Variants in BABAM2 observed in about 807,000 individuals in gnomAD.
The protein encoded by BABAM2 is BRISC and BRCA1 A complex member 2.
In BABAM2, 31 loss-of-function variants were observed where a neutral mutation model predicts 54.7. The observed-to-expected ratio is 0.57, with a 90% CI of 0.43 to 0.77. BABAM2 has a LOEUF of 0.77. Ranked by LOEUF, BABAM2 falls within the 30% of genes least tolerant of loss-of-function variation. The probability of loss-of-function intolerance (pLI) is 0.00; values close to 1 mark genes in which losing one functional copy is unlikely to be tolerated. For synonymous variants in BABAM2, 167 were observed against 162.9 expected (o/e 1.03, Z -0.19); for missense variants, 364 against 455.8 (o/e 0.80, Z 1.83).
At chr2:28,277,732 T>C (rs1279115601) in intron 10 of BABAM2, among the ~76,000 whole-genome samples, 4 of 152,174 alleles carry the variant, frequency 2.6e-5, no homozygotes, top group Admixed American at 2.6e-4. Context: ...TCTGGTCCTA[T>C]TGTTAAGGAG....
chr2:28,033,561 T>TC (rs1395146351), intron 5 of BABAM2, among the ~76,000 whole-genome samples: 2 of 151,970 alleles, frequency 1.3e-5, no homozygotes, highest in African/African-American at 4.8e-5. Flanking sequence ...AGCCGCCAGT[T>TC]CCCCTCTTAT....
At chr2:27,971,774 A>G (rs1671240203) in intron 3 of BABAM2, among the ~76,000 whole-genome samples, 1 of 151,954 alleles carries the variant, frequency 6.6e-6, no homozygotes, top group Non-Finnish European at 1.5e-5. Context: ...ATTCTGAACT[A>G]CTTTTTAAAA....
At chr2:27,973,909 T>C (rs1671403066) in intron 3 of BABAM2, among the ~76,000 whole-genome samples, 1 of 152,218 alleles carries the variant, frequency 6.6e-6, no homozygotes, top group Non-Finnish European at 1.5e-5. Context: ...GCTTTCACTC[T>C]GAACCTAACT....
chr2:28,320,886 G>C (rs992851694), intron 11 of BABAM2, among the ~76,000 whole-genome samples: 7 of 152,160 alleles, frequency 4.6e-5, no homozygotes, highest in African/African-American at 1.7e-4. Context: ...TAGAGTAATG[G>C]GATCGATTTC....
At chr2:28,118,336 A>C (rs1223409767) in intron 6 of BABAM2, among the ~76,000 whole-genome samples, 1 of 152,218 alleles carries the variant, frequency 6.6e-6, no homozygotes, top group Non-Finnish European at 1.5e-5. Context: ...CATTCCCATC[A>C]ACAGTGTAAA....
intron 10 of BABAM2, among the ~76,000 whole-genome samples, chr2:28,276,325 T>C (rs1052933730): frequency 2.6e-5 from 4 of 152,162 alleles, no homozygotes; most frequent in Non-Finnish European, 4.4e-5. Flanking sequence ...TCCACTTTAG[T>C]CTGCAGACAC....
chr2:28,088,069 A>G (rs2148685588), intron 6 of BABAM2, among the ~76,000 whole-genome samples: 1 of 152,358 alleles, frequency 6.6e-6, no homozygotes, highest in Admixed American at 6.5e-5. Context: ...CAGAATTTGT[A>G]CCATAAATCT....
At chr2:28,044,313 T>A (rs1677379135) in intron 5 of BABAM2, among the ~76,000 whole-genome samples, 1 of 152,318 alleles carries the variant, frequency 6.6e-6, no homozygotes, top group East Asian at 1.9e-4. Context: ...CACTGCAAAC[T>A]CTGCCTCCCA....
At position 28,153,868 on chromosome 2, in the gene BABAM2, C is replaced by T. The variant is rs953578945; in HGVS notation, c.680+24488C>T. On this transcript the variant is annotated intron_variant, in intron 7 of 11. Transcript: ENST00000379624. The stretch of plus-strand genomic sequence containing the variant: ...TACCTAATTTTCTCCGGGACATGCA[C>T]GATTGAGTTTTTGGTTTTTCTGTGG... Among the ~76,000 whole-genome samples the T allele has an allele frequency of 3.3e-5, 5 of 152,262 alleles. No homozygotes were observed. The South Asian group carries it at 6.2e-4, about 19-fold the overall frequency.
At chr2:28,118,015 A>G (rs1003239664) in intron 6 of BABAM2, among the ~76,000 whole-genome samples, 4 of 152,250 alleles carry the variant, frequency 2.6e-5, no homozygotes, top group African/African-American at 4.8e-5. Flanking sequence ...GTGCTTAAAT[A>G]AAAACTCACT....
chr2:28,112,657 G>A (rs1668238063), intron 6 of BABAM2, among the ~76,000 whole-genome samples: 1 of 152,120 alleles, frequency 6.6e-6, no homozygotes, highest in Non-Finnish European at 1.5e-5. Context: ...GAATAGTGCT[G>A]CAATAAACAT....
Position 28,223,533 on chromosome 2 carries a change from G to A in BABAM2, c.681-13669G>A, listed in dbSNP as rs543086519. On this transcript the variant is annotated intron_variant, in intron 7 of 11. Transcript: ENST00000379624. ...GCCCTTCTTCCCTTCATTGTTCACC[G>A]CCTTGACTTGATCGTACTCTCTGCT... Among the ~76,000 whole-genome samples, 7 of 152,288 alleles carry A rather than the reference G, an allele frequency of 4.6e-5. No homozygotes were observed. The East Asian group carries it at 7.7e-4, about 17-fold the overall frequency.
At chr2:28,330,518 G>A (rs13432059) in intron 11 of BABAM2, among the ~76,000 whole-genome samples, 112,805 of 152,044 alleles carry the variant, frequency 0.74, 44,150 homozygotes, top group Non-Finnish European at 0.89. Flanking sequence ...AAAAATCACA[G>A]GCATTCTTAT....
chr2:28,062,846 C>G (rs928559152), intron 6 of BABAM2, among the ~76,000 whole-genome samples: 2 of 152,188 alleles, frequency 1.3e-5, no homozygotes, highest in African/African-American at 4.8e-5. Context: ...GTGTGCCATT[C>G]TGTGTTATGA....
chr2:27,960,063 T>TA (rs1293873439), intron 3 of BABAM2, among the ~76,000 whole-genome samples: 1 of 152,232 alleles, frequency 6.6e-6, no homozygotes, highest in African/African-American at 2.4e-5. Flanking sequence ...TTCTGTGGAT[T>TA]ACTGGACTTG....
intron 3 of BABAM2, among the ~76,000 whole-genome samples, chr2:27,952,853 A>G (rs1052522270): frequency 1.3e-5 from 2 of 152,246 alleles, no homozygotes; most frequent in African/African-American, 4.8e-5. Flanking sequence ...CTAATTCTTC[A>G]TAGAATAATT....
At chr2:28,073,086 A>G (rs78609504) in intron 6 of BABAM2, among the ~76,000 whole-genome samples, 1,543 of 152,248 alleles carry the variant, frequency 0.01, 11 homozygotes, top group South Asian at 0.027. Context: ...TCTGCCGTTT[A>G]TCAGTAGGAC....
chr2:28,075,730 C>G (rs1212437116), intron 6 of BABAM2, among the ~76,000 whole-genome samples: 2 of 152,060 alleles, frequency 1.3e-5, no homozygotes, highest in African/African-American at 4.8e-5. Context: ...ACTTATATGT[C>G]AGAAGTCACT....
intron 3 of BABAM2, among the ~76,000 whole-genome samples, chr2:27,964,561 G>C (rs921874508): frequency 6.6e-6 from 1 of 152,124 alleles, no homozygotes; most frequent in East Asian, 1.9e-4. Context: ...AGGTTGTTGT[G>C]CTGTGCCTGT....
Sources: allele counts gnomAD v4.1 joint callset (sites outside exome capture counted in the v4.1 genomes callset), GRCh38; gene constraint gnomAD v4.1.1; transcripts MANE v1.5; gene names NCBI Gene and HGNC (gene_info 2026-07-23, HGNC 2026-07-21).